The following PCDH9 variants were observed in gnomAD, a reference collection of about 807,000 sequenced individuals.
The protein encoded by PCDH9 is protocadherin-9.
A neutral mutation model predicts 70.6 loss-of-function variants in PCDH9; 24 were observed. The observed-to-expected ratio is 0.34, with a 90% CI of 0.25 to 0.48. PCDH9 has a LOEUF of 0.48. Among genes scored for constraint, PCDH9 ranks in the 20% least tolerant of loss-of-function variants. The pLI is 0.99. For missense variants in PCDH9, 1,281 were observed against 1,503.6 expected, an observed-to-expected ratio of 0.85 and a Z score of 2.45; for synonymous variants, 562 against 558.5, an observed-to-expected ratio of 1.01 and a Z score of -0.09.
At chr13:66,870,006 G>A (rs1447684725) in intron 3 of PCDH9, among the ~76,000 whole-genome samples, 5 of 152,086 alleles carry the variant, frequency 3.3e-5, no homozygotes, top group Admixed American at 6.6e-5. Flanking sequence ...CCATCCCTAT[G>A]TCCTGAATGG....
chr13:66,891,816 A>AT (rs112732868), intron 3 of PCDH9, among the ~76,000 whole-genome samples: 7,520 of 147,618 alleles, frequency 0.051, 559 homozygotes, highest in African/African-American at 0.17. Flanking sequence ...CATGTATTCC[A>AT]TTTTTTTTTT....
chr13:66,669,416 G>C (rs1026106967), intron 3 of PCDH9, among the ~76,000 whole-genome samples: 2 of 151,978 alleles, frequency 1.3e-5, no homozygotes, highest in Admixed American at 1.3e-4. Context: ...GGGGCAGAGA[G>C]CAGTCTTCTA....
intron 2 of PCDH9, among the ~76,000 whole-genome samples, chr13:67,055,254 A>T (rs143720887): frequency 4.9e-4 from 75 of 152,338 alleles, no homozygotes; most frequent in East Asian, 2.5e-3. Flanking sequence ...AGAGTAATAG[A>T]TCCTATAGGA....
At chr13:66,776,679 A>G (rs1419123587) in intron 3 of PCDH9, among the ~76,000 whole-genome samples, 1 of 152,156 alleles carries the variant, frequency 6.6e-6, no homozygotes, top group Non-Finnish European at 1.5e-5. Context: ...AGGATGAATC[A>G]ATATCATGAA....
At chr13:66,382,974 G>A (rs563235521) in intron 4 of PCDH9, among the ~76,000 whole-genome samples, 2 of 152,268 alleles carry the variant, frequency 1.3e-5, no homozygotes, top group African/African-American at 4.8e-5. Context: ...GTTGCAGTGA[G>A]CCAAGAACAT....
At chr13:66,667,209 A>G (rs2078108030) in intron 3 of PCDH9, among the ~76,000 whole-genome samples, 1 of 152,170 alleles carries the variant, frequency 6.6e-6, no homozygotes, top group South Asian at 2.1e-4. Flanking sequence ...GTGGAAAAAG[A>G]AAGGGAAGAA....
At chr13:66,454,371 T>G (rs1000849781) in intron 4 of PCDH9, among the ~76,000 whole-genome samples, 10 of 152,168 alleles carry the variant, frequency 6.6e-5, no homozygotes, top group Admixed American at 1.3e-4. Flanking sequence ...CAAGTTCACT[T>G]GACATACAAT....
chr13:66,905,669 T>TC (rs1055470319), intron 2 of PCDH9, among the ~76,000 whole-genome samples: 1 of 151,744 alleles, frequency 6.6e-6, no homozygotes, highest in Non-Finnish European at 1.5e-5. Context: ...ATTGTTTTTT[T>TC]CCCCCATGGA....
intron 2 of PCDH9, among the ~76,000 whole-genome samples, chr13:66,988,535 T>C (rs1330025673): frequency 6.6e-6 from 1 of 152,032 alleles, no homozygotes; most frequent in East Asian, 1.9e-4. Context: ...GGATATTTAT[T>C]GAATTTTCAT....
intron 3 of PCDH9, among the ~76,000 whole-genome samples, chr13:66,647,139 C>A (rs1052866784): frequency 4.6e-5 from 7 of 152,158 alleles, no homozygotes; most frequent in African/African-American, 1.7e-4. Context: ...CAATTCCTAA[C>A]CAAATTCTGA....
At chr13:67,168,344 G>A (rs2088179529) in intron 2 of PCDH9, among the ~76,000 whole-genome samples, 1 of 152,090 alleles carries the variant, frequency 6.6e-6, no homozygotes, top group South Asian at 2.1e-4. Flanking sequence ...TCATAACCAT[G>A]GGGAAATAAA....
Position 66,429,331 on chromosome 13 carries a change from T to C in PCDH9, c.3341-124303A>G, listed in dbSNP as rs190664573. On this transcript the variant is annotated intron_variant, in intron 4 of 4. Coordinates refer to ENST00000377865, the MANE Select transcript of PCDH9 (RefSeq NM_203487.3). ...ATGTCATTTCCCAAAGAACAAGCAG[T>C]ATAACTAGGAGGAGAAAAATCATGT... Among the ~76,000 whole-genome samples the C allele has an allele frequency of 5.9e-5, 9 of 151,642 alleles. No individual in the cohort carries two copies. The East Asian group carries it at 9.7e-4, about 16-fold the overall frequency.
intron 3 of PCDH9, among the ~76,000 whole-genome samples, chr13:66,658,992 G>GT (rs1373453427): frequency 3.3e-5 from 5 of 152,064 alleles, no homozygotes; most frequent in Admixed American, 1.3e-4. Flanking sequence ...GTCATATTTT[G>GT]TAAGTACAAT....
At chr13:66,544,916 A>G (rs995668971) in intron 4 of PCDH9, among the ~76,000 whole-genome samples, 1 of 152,128 alleles carries the variant, frequency 6.6e-6, no homozygotes, top group African/African-American at 2.4e-5. Context: ...TTTACTCAGC[A>G]GGGTTGTGAA....
At chr13:66,827,418 C>T (rs2080845006) in intron 3 of PCDH9, among the ~76,000 whole-genome samples, 1 of 150,100 alleles carries the variant, frequency 6.7e-6, no homozygotes, top group African/African-American at 2.5e-5. Context: ...TACCAGATCA[C>T]TTGAGGCACT....
chr13:67,042,526 A>G (rs528364759), intron 2 of PCDH9, among the ~76,000 whole-genome samples: 1 of 152,216 alleles, frequency 6.6e-6, no homozygotes, highest in East Asian at 1.9e-4. Context: ...CAAACACAAA[A>G]CTGGCCATGG....
chr13:66,584,058 T>C (rs532352689), intron 4 of PCDH9, among the ~76,000 whole-genome samples: 43 of 151,970 alleles, frequency 2.8e-4, no homozygotes, highest in South Asian at 1.0e-3. Flanking sequence ...TGCAGACACT[T>C]TGATTGTTTG....
intron 4 of PCDH9, among the ~76,000 whole-genome samples, chr13:66,611,131 G>A (rs2077289473): frequency 6.6e-6 from 1 of 152,090 alleles, no homozygotes; most frequent in African/African-American, 2.4e-5. Context: ...AATAATCAAT[G>A]AAACCAATGC....
intron 2 of PCDH9, among the ~76,000 whole-genome samples, chr13:67,134,017 C>T (rs1380798841): frequency 6.6e-6 from 1 of 152,000 alleles, no homozygotes; most frequent in Non-Finnish European, 1.5e-5. Context: ...CACTCAAAAT[C>T]AATAGCATTT....
Sources: allele counts gnomAD v4.1 joint callset (sites outside exome capture counted in the v4.1 genomes callset), GRCh38; gene constraint gnomAD v4.1.1; transcripts MANE v1.5; gene names NCBI Gene and HGNC (gene_info 2026-07-23, HGNC 2026-07-21).